EFCC1: variants seen among roughly 807,000 people sequenced by gnomAD.
EFCC1 encodes EF-hand and coiled-coil domain-containing protein 1.
In EFCC1, 50 loss-of-function variants were observed where a neutral mutation model predicts 52.1. The observed-to-expected ratio is 0.96, with a 90% CI of 0.76 to 1.21. The LOEUF (loss-of-function observed/expected upper bound fraction) is 1.21, where lower values mean the gene tolerates loss of function less well. Among genes scored for constraint, EFCC1 ranks in the 50% most tolerant of loss-of-function variants. EFCC1 has a pLI of 0.00. For missense variants in EFCC1, 837 were observed against 867.3 expected (o/e 0.97, Z 0.44); for synonymous variants, 399 against 396.5 (o/e 1.01, Z -0.08).
chr3:129,038,786 C>T (rs757641354), intron 6 of EFCC1, 45 bp from the exon 7 acceptor site: 2 of 1,595,794 alleles, frequency 1.3e-6, no homozygotes. Flanking sequence ...TGAACAGGGA[C>T]ACAGCAACCA....
At position 129,033,218 on chromosome 3, in the gene EFCC1, C is replaced by T. The variant is rs998483837; in HGVS notation, c.1286+252C>T. ...TCGTGCTTTCTCACCAGCACCTGCACTGGAGCTCTTGTAGCACTCCCAGAC... is the reference window on the plus strand; with the variant it reads ...TCGTGCTTTCTCACCAGCACCTGCATTGGAGCTCTTGTAGCACTCCCAGAC... On this transcript the variant is annotated intron_variant, in intron 4 of 7. Coordinates refer to ENST00000683648, the MANE Select transcript of EFCC1 (RefSeq NM_001377500.1). Among the ~76,000 whole-genome samples the T allele has an allele frequency of 2.0e-5, 3 of 152,224 alleles. No individual in the cohort carries two copies. The South Asian group carries it at 6.2e-4, about 31-fold the overall frequency.
intron 2 of EFCC1, among the ~76,000 whole-genome samples, chr3:129,013,851 G>A (rs1208953455): frequency 1.3e-5 from 2 of 152,216 alleles, no homozygotes; most frequent in Non-Finnish European, 2.9e-5. Flanking sequence ...GGCTACTTGT[G>A]GGCAATGATG....
intron 3 of EFCC1, among the ~76,000 whole-genome samples, chr3:129,031,801 C>T (rs1016360484): frequency 2.6e-5 from 4 of 152,210 alleles, no homozygotes; most frequent in Non-Finnish European, 4.4e-5. Context: ...GTCCTCTCAA[C>T]TCCCAAGCCA....
intron 3 of EFCC1, 95 bp downstream of exon 3, chr3:129,030,955 C>T: frequency 7.1e-7 from 1 of 1,401,438 alleles, no homozygotes; most frequent in African/African-American, 1.4e-5. Context: ...ATCCATGCTA[C>T]CACCAGCCTC....
intron 5 of EFCC1, 53 bp downstream of exon 5, chr3:129,034,382 C>G: frequency 1.3e-6 from 2 of 1,585,578 alleles, no homozygotes; most frequent in Non-Finnish European, 1.7e-6. Flanking sequence ...GATCTCACAG[C>G]TGGAAGGGTC....
intron 2 of EFCC1, among the ~76,000 whole-genome samples, chr3:129,025,315 G>A (rs1559970163): frequency 6.6e-6 from 1 of 152,126 alleles, no homozygotes; most frequent in African/African-American, 2.4e-5. Flanking sequence ...GCAAAATGGC[G>A]AAGAGTGCCA....
intron 2 of EFCC1, among the ~76,000 whole-genome samples, chr3:129,015,267 C>A (rs113776242): frequency 0.011 from 1,696 of 152,240 alleles, 29 homozygotes; most frequent in African/African-American, 0.034. Flanking sequence ...TACTCCTGAC[C>A]AATCCACATT....
rs79903844 is a variant in EFCC1, at chr3:129,010,484, G to A, written c.980+6407G>A. 8.1e-3 allele frequency among the ~76,000 whole-genome samples: 1,231 copies of A among 152,276 alleles called. 5 individuals carry two copies. Among genetic ancestry groups the A allele is most frequent in the Non-Finnish European group, 0.014 (929 of 67,996 alleles). On this transcript the variant is annotated intron_variant, in intron 2 of 7. Transcript: ENST00000683648. This position sits in a 1 kb window ranked among gnomAD's most constrained non-coding sequence, Gnocchi z 4.3. The stretch of plus-strand genomic sequence containing the variant: ...GGCCTCTGGCTTTGTTGTTGGGGGA[G>A]GGTGAAAAGGCTGGGATGGAGGAAA...
chr3:129,004,230 C>T (rs939949959), intron 2 of EFCC1, among the ~76,000 whole-genome samples, 153 bp downstream of exon 2: 1 of 152,204 alleles, frequency 6.6e-6, no homozygotes, highest in African/African-American at 2.4e-5. Flanking sequence ...TGTCAGTTCT[C>T]CATTTCTTAA....
chr3:129,006,459 A>G (rs1431390014), intron 2 of EFCC1, among the ~76,000 whole-genome samples: 1 of 152,176 alleles, frequency 6.6e-6, no homozygotes, highest in Admixed American at 6.5e-5. Flanking sequence ...GGGATTAAAG[A>G]TGCATGCCAC....
intron 3 of EFCC1, 84 bp downstream of exon 3, chr3:129,030,944 C>T: frequency 7.0e-7 from 1 of 1,425,916 alleles, no homozygotes; most frequent in Non-Finnish European, 9.2e-7. Flanking sequence ...GGCCTGTCTG[C>T]ATCCATGCTA....
At chr3:129,007,323 G>A (rs900088605) in intron 2 of EFCC1, among the ~76,000 whole-genome samples, 1 of 152,178 alleles carries the variant, frequency 6.6e-6, no homozygotes, top group African/African-American at 2.4e-5. Context: ...TTGGCCTAGA[G>A]GGCTGCATTC....
At chr3:129,022,441 G>A (rs375281313) in intron 2 of EFCC1, among the ~76,000 whole-genome samples, 8 of 152,318 alleles carry the variant, frequency 5.3e-5, no homozygotes, top group East Asian at 1.9e-4. Flanking sequence ...CTGGAGCCAG[G>A]AGCCAGGAGT....
At chr3:129,015,447 G>C (rs1945535581) in intron 2 of EFCC1, among the ~76,000 whole-genome samples, 1 of 152,082 alleles carries the variant, frequency 6.6e-6, no homozygotes, top group Non-Finnish European at 1.5e-5. Flanking sequence ...GGTAAGCTCT[G>C]TGAGGTCAGG....
intron 4 of EFCC1, among the ~76,000 whole-genome samples, chr3:129,033,415 C>T (rs934206696): frequency 5.3e-5 from 8 of 152,186 alleles, no homozygotes; most frequent in Non-Finnish European, 8.8e-5. Context: ...AGACAAGTCA[C>T]CTGGCTTCTC....
intron 1 of EFCC1, 29 bp from the exon 2 acceptor site, chr3:129,003,765 C>A: frequency 2.2e-6 from 3 of 1,386,242 alleles, no homozygotes; most frequent in South Asian, 3.0e-5. Context: ...GGGCACTTAC[C>A]CCCTGCCCCT....
At chr3:129,009,391 G>A (rs905175894) in intron 2 of EFCC1, among the ~76,000 whole-genome samples, 8 of 152,156 alleles carry the variant, frequency 5.3e-5, no homozygotes, top group Non-Finnish European at 1.0e-4. Context: ...CTCTCCCCCA[G>A]TAGCCCTTGG....
intron 2 of EFCC1, among the ~76,000 whole-genome samples, chr3:129,028,052 G>A (rs371647945): frequency 3.3e-5 from 5 of 151,378 alleles, no homozygotes; most frequent in Non-Finnish European, 7.4e-5. Flanking sequence ...TATTTAATAA[G>A]ACCAGGTAAT....
At position 129,002,195 on chromosome 3, in the gene EFCC1, T is replaced by A; in HGVS notation, c.567T>A (p.Pro189=). Residue 189 remains proline, a synonymous_variant, in exon 1 of 8, where the codon CCT becomes CCA. Coordinates refer to ENST00000683648, the MANE Select transcript of EFCC1 (RefSeq NM_001377500.1). The part of the protein sequence containing the change: ...PRRRRRPPCA[P]GPDSGPDCER... ...GCCGCCGCCGCCCGCCCTGCGCGCCTGGCCCCGACAGCGGTCCTGACTGTG... is the reference window on the plus strand; with the variant it reads ...GCCGCCGCCGCCCGCCCTGCGCGCCAGGCCCCGACAGCGGTCCTGACTGTG... The A allele has an allele frequency of 6.6e-7, 1 of 1,506,706 alleles. No homozygotes were observed. Among genetic ancestry groups the A allele is most frequent in the Non-Finnish European group, 8.8e-7 (1 of 1,135,478 alleles). 93.3% of individuals were successfully genotyped at this position (1,506,706 alleles called of 1,614,324 possible).
Sources: gnomAD v4.1 joint callset for allele counts (sites outside exome capture counted in the v4.1 genomes callset) on GRCh38, gnomAD v4.1.1 for gene constraint, Gnocchi (gnomAD v3.1) non-coding constraint, MANE v1.5 for transcripts, NCBI Gene and HGNC (gene_info 2026-07-23, HGNC 2026-07-21) for gene names.